Variants in CCDC22 observed in about 807,000 individuals in gnomAD.
CCDC22 encodes coiled-coil domain-containing protein 22.
Under a neutral mutation model 53.1 loss-of-function variants are expected in CCDC22, and 4 were observed. The ratio of observed to expected loss-of-function variants is 0.08; its 90% CI spans 0.04 to 0.17. The LOEUF (loss-of-function observed/expected upper bound fraction) is 0.17, where lower values mean the gene tolerates loss of function less well. Among genes scored for constraint, CCDC22 ranks in the 10% least tolerant of loss-of-function variants. CCDC22 has a pLI of 1.00. For synonymous variants in CCDC22, 222 were observed against 224.4 expected, an observed-to-expected ratio of 0.99 and a Z score of 0.10; for missense variants, 458 against 554.0, an observed-to-expected ratio of 0.83 and a Z score of 1.74.
chrX:49,242,394 CCT>C, intron 3 of CCDC22: 1 of 690,194 alleles, frequency 1.4e-6, no homozygotes, highest in Non-Finnish European at 1.7e-6. Context: ...TGACTCAACC[CCT>C]GTGCCCTCCC....
At position 49,235,863 on chromosome X, in the gene CCDC22, ACG is replaced by A. The variant is rs1262064002; in HGVS notation, c.50+179_50+180del. Among the ~76,000 whole-genome samples, 469 of 103,768 alleles carry A rather than the reference ACG, an allele frequency of 4.5e-3. 4 individuals are homozygous for A. Among genetic ancestry groups the A allele is most frequent in the Non-Finnish European group, 7.9e-3 (390 of 49,460 alleles). 90.1% of individuals were successfully genotyped at this position (103,768 alleles called of 115,157 possible). On this transcript the variant is annotated intron_variant, in intron 1 of 16. Transcript: ENST00000376227. ...CACACACACACACACACACACACAC[ACG>A]CACACACACACCGCCCTCCCTGACA...
At position 49,242,090 on chromosome X, in the gene CCDC22, T is replaced by C. The variant is rs1569529207; in HGVS notation, c.303T>C (p.Leu101=). 2.5e-6 allele frequency: 3 copies of C among 1,210,155 alleles called. No homozygotes were observed. Among genetic ancestry groups the C allele is most frequent in the African/African-American group, 3.5e-5 (2 of 57,301 alleles). ...GTGAGCCTGACCTCCGAGACCTGCT[T>C]CTCTTCTTGGCTGAGCGTCTGCCCA... The part of the protein sequence containing the change: ...YPSEPDLRDL[L]LFLAERLPTD... The change falls in exon 3 of 17, where the codon CTT becomes CTC. Residue 101 remains leucine (L), a synonymous_variant. Coordinates refer to ENST00000376227, the MANE Select transcript of CCDC22 (RefSeq NM_014008.5).
At chrX:49,245,403 C>T (rs868974383) in intron 6 of CCDC22, among the ~76,000 whole-genome samples, 4 of 111,620 alleles carry the variant, frequency 3.6e-5, no homozygotes, top group Non-Finnish European at 3.8e-5. Flanking sequence ...GATGGAGTCT[C>T]GCTCTGTCAC....
At chrX:49,239,330 A>C in intron 2 of CCDC22, 1 of 311,522 alleles carries the variant, frequency 3.2e-6, no homozygotes, top group Non-Finnish European at 4.3e-6. Context: ...GGGTATAAGA[A>C]TTGTAGCTAC....
At position 49,248,431 on chromosome X, in the gene CCDC22, C is replaced by A. The variant is rs200812467; in HGVS notation, c.1237C>A (p.Arg413=). 2 of 1,210,153 alleles carry A rather than the reference C, an allele frequency of 1.7e-6. No individual in the cohort carries two copies. The highest frequency in any genetic ancestry group is 1.1e-6 in the Non-Finnish European group (1 of 894,756). The change falls in exon 11 of 17, where the codon CGG becomes AGG. Residue 413 remains arginine (R), a synonymous_variant. Coordinates refer to ENST00000376227, the MANE Select transcript of CCDC22 (RefSeq NM_014008.5). The part of the protein sequence containing the change: ...LQLVVENSAQ[R]VIHLAGQWEK... ...GCTTGTGGTGGAGAATAGTGCCCAG[C>A]GGGTCATCCACTTGGCGGGTCAGTG...
At position 49,247,476 on chromosome X, in the gene CCDC22, C is replaced by CCCCTT; in HGVS notation, c.910-16_910-15insTCCCT. On this transcript the variant is annotated intron_variant, in intron 7 of 16. Coordinates refer to ENST00000376227, the MANE Select transcript of CCDC22 (RefSeq NM_014008.5). ...AGGGCCTTCCCTGGCAGCCAGGATGCCCCTCGTCACTCCCCTTAGGAGCCC... is the reference window on the plus strand; with the variant it reads ...AGGGCCTTCCCTGGCAGCCAGGATGCCCCTTCCCTCGTCACTCCCCTTAGGAGCCC... The CCCCTT allele has an allele frequency of 8.5e-7, 1 of 1,180,866 alleles. No individual in the cohort carries two copies. The highest frequency in any genetic ancestry group is 1.1e-6 in the Non-Finnish European group (1 of 879,129).
At chrX:49,245,972 G>GT (rs57878026) in intron 6 of CCDC22, among the ~76,000 whole-genome samples, 85 of 103,734 alleles carry the variant, frequency 8.2e-4, no homozygotes, top group East Asian at 3.0e-3. Context: ...GTTTTGTTTT[G>GT]TTTTTTTTTT....
At chrX:49,246,221 CT>C (rs2065989049) in intron 6 of CCDC22, among the ~76,000 whole-genome samples, 1 of 111,947 alleles carries the variant, frequency 8.9e-6, no homozygotes, top group Admixed American at 9.5e-5. Context: ...ATCTACCTAC[CT>C]TGGCCTTTCA....
In CCDC22 at chrX:49,246,715, C is replaced by T. The variant is rs782367850; in HGVS notation, c.715-16C>T. On this transcript the variant is annotated splice_polypyrimidine_tract_variant and intron_variant, in intron 6 of 16. Coordinates refer to ENST00000376227, the MANE Select transcript of CCDC22 (RefSeq NM_014008.5). The stretch of plus-strand genomic sequence containing the variant: ...GGCCCCTACACCTTCCTGCTTCCCC[C>T]GCCTTTTCTCCCCAGGAGGACACAC... 1.7e-5 allele frequency: 19 copies of T among 1,118,230 alleles called. No individual in the cohort carries two copies. The South Asian group carries it at 2.3e-4, about 13-fold the overall frequency. The allele number at this position is 1,118,230 out of a possible 1,213,427, so 92.2% of individuals were successfully genotyped here. A position where few individuals can be genotyped will look rare whatever the true frequency, so the allele number is the denominator to read the frequency against.
rs1788134055 is a variant in CCDC22, at chrX:49,250,481, G to A, written c.*220G>A. 1 of 492,516 alleles carries A rather than the reference G, an allele frequency of 2.0e-6. No individual in the cohort carries two copies. The highest frequency in any genetic ancestry group is 3.7e-6 in the Non-Finnish European group (1 of 272,874). 40.6% of individuals were successfully genotyped at this position (492,516 alleles called of 1,213,427 possible). On this transcript the variant is annotated 3_prime_UTR_variant, in exon 17 of 17. Coordinates refer to ENST00000376227, the MANE Select transcript of CCDC22 (RefSeq NM_014008.5). ...TTTATTGGGGACGGTACTGTGGGTT[G>A]GGGGCCTTGGATCCCAAATAAATGA...
At position 49,246,740 on chromosome X, in the gene CCDC22, C is replaced by T. The variant is rs782441681; in HGVS notation, c.724C>T (p.Arg242Trp). The change falls in exon 7 of 17, where the codon CGG becomes TGG. Residue 242 changes from arginine (R) to tryptophan (W), a missense_variant. Arg to Trp is a moderately radical substitution (Grantham distance 101). This residue lies in a region of CCDC22 where 309 missense variants were observed against 312.3 expected (regional missense o/e 0.99). Coordinates refer to ENST00000376227, the MANE Select transcript of CCDC22 (RefSeq NM_014008.5). ...TSRLPPQEDTRAQRQRLQKQL... is the reference protein window; with the variant it reads ...TSRLPPQEDTWAQRQRLQKQL... ...CGCCTTTTCTCCCCAGGAGGACACA[C>T]GGGCTCAGCGGCAGCGGCTGCAAAA... The T allele has an allele frequency of 1.0e-5, 12 of 1,153,502 alleles. No individual in the cohort carries two copies. In the South Asian group the frequency reaches 1.2e-4, roughly 12 times the overall value.
rs147674513 is a variant in CCDC22, at chrX:49,246,917, T to C, written c.901T>C (p.Phe301Leu). The C allele has an allele frequency of 4.3e-4, 506 of 1,188,767 alleles. 1 individual carries two copies. The highest frequency in any genetic ancestry group is 6.9e-5 in the Non-Finnish European group (61 of 882,974). ...SRFTHSEKFTFHLEPQAQATQ... is the reference protein window; with the variant it reads ...SRFTHSEKFTLHLEPQAQATQ... ...CTTCACGCACTCAGAGAAGTTCACC[T>C]TCCATCTGGTGGGTGCGCCTGAGGA... The change falls in exon 7 of 17, where the codon TTC becomes CTC. Residue 301 changes from phenylalanine to leucine, a missense_variant. Phe to Leu is a conservative substitution (Grantham distance 22). Transcript: ENST00000376227.
intron 4 of CCDC22, 44 bp downstream of exon 4, chrX:49,243,036 G>A (rs782117689): frequency 2.6e-6 from 3 of 1,134,318 alleles, no homozygotes; most frequent in South Asian, 4.0e-5. Context: ...TCCCCGTCTG[G>A]GTGCCCAGGG....
intron 1 of CCDC22, among the ~76,000 whole-genome samples, chrX:49,236,111 C>T (rs1557112679): frequency 9.2e-6 from 1 of 109,264 alleles, no homozygotes; most frequent in Non-Finnish European, 1.9e-5. Context: ...GACCCTGGCA[C>T]TCGGGGACTC....
At chrX:49,243,062 C>G (rs1381611638) in intron 4 of CCDC22, 56 bp from the exon 5 acceptor site, 2 of 1,159,231 alleles carry the variant, frequency 1.7e-6, no homozygotes, top group Non-Finnish European at 2.3e-6. Context: ...GCCCCCTACC[C>G]CTGGCAACCC....
chrX:49,236,494 C>T (rs1414853011), intron 1 of CCDC22, among the ~76,000 whole-genome samples: 1 of 111,005 alleles, frequency 9.0e-6, no homozygotes, highest in African/African-American at 3.3e-5. Context: ...AGGTGTGAGC[C>T]ACCACGCCCA....
At chrX:49,247,844 C>T in intron 9 of CCDC22, 76 bp downstream of exon 9, 1 of 1,124,220 alleles carries the variant, frequency 8.9e-7, no homozygotes. Context: ...CTAGATGGGG[C>T]AAGAGGTGCT....
chrX:49,242,236 A>T, intron 3 of CCDC22, 88 bp downstream of exon 3: 3 of 1,162,785 alleles, frequency 2.6e-6, no homozygotes, highest in Non-Finnish European at 3.4e-6. Flanking sequence ...TAGAGGTGGT[A>T]AAAAGGTTGA....
At position 49,250,490 on chromosome X, in the gene CCDC22, G is replaced by A. The variant is rs1300615897; in HGVS notation, c.*229G>A. The A allele has an allele frequency of 4.1e-6, 2 of 486,510 alleles. No homozygotes were observed. The highest frequency in any genetic ancestry group is 7.4e-6 in the Non-Finnish European group (2 of 269,730). 40.1% of individuals were successfully genotyped at this position (486,510 alleles called of 1,213,427 possible). ...GACGGTACTGTGGGTTGGGGGCCTT[G>A]GATCCCAAATAAATGAGTAGTTCCT... is the stretch of plus-strand genomic sequence containing the variant. On this transcript the variant is annotated 3_prime_UTR_variant, in exon 17 of 17. Transcript: ENST00000376227.
Sources: gnomAD v4.1 joint callset for allele counts (sites outside exome capture counted in the v4.1 genomes callset) on GRCh38, gnomAD v4.1.1 for gene constraint, gnomAD v4.1.1 regional missense constraint, MANE v1.5 for transcripts, NCBI Gene and HGNC (gene_info 2026-07-23, HGNC 2026-07-21) for gene names.